The following MBOAT2 variants were observed in gnomAD, a reference collection of about 807,000 sequenced individuals.
The protein encoded by MBOAT2 is membrane bound glycerophospholipid O-acyltransferase 2.
MBOAT2 carries 28 observed loss-of-function variants against 63.4 expected under a neutral mutation model. The observed-to-expected ratio is 0.44, with a 90% CI of 0.33 to 0.61. The LOEUF (loss-of-function observed/expected upper bound fraction) is 0.61, where lower values mean the gene tolerates loss of function less well. MBOAT2 is among the 20% of genes least tolerant of loss of function. The pLI is 0.03. For missense variants in MBOAT2, 470 were observed against 605.8 expected, an observed-to-expected ratio of 0.78 and a Z score of 2.35; for synonymous variants, 211 against 215.6, an observed-to-expected ratio of 0.98 and a Z score of 0.19.
chr2:8,991,420 T>C (rs1476970793), intron 1 of MBOAT2, among the ~76,000 whole-genome samples: 4 of 152,228 alleles, frequency 2.6e-5, no homozygotes, highest in African/African-American at 9.6e-5. Flanking sequence ...TTCAAGATTA[T>C]TTCCAAGATG....
At chr2:8,910,006 C>T (rs1348338676) in intron 3 of MBOAT2, among the ~76,000 whole-genome samples, 7 of 152,134 alleles carry the variant, frequency 4.6e-5, no homozygotes, top group Non-Finnish European at 8.8e-5. Flanking sequence ...CACAGACCAG[C>T]GGATTACAGA....
chr2:8,993,761 G>A (rs114113052), intron 1 of MBOAT2, among the ~76,000 whole-genome samples: 13 of 152,228 alleles, frequency 8.5e-5, no homozygotes, highest in Admixed American at 1.3e-4. Context: ...CAGTACCTCC[G>A]CTGTACCCTG....
chr2:8,953,469 T>C (rs1257644787), intron 2 of MBOAT2, among the ~76,000 whole-genome samples: 1 of 152,220 alleles, frequency 6.6e-6, no homozygotes, highest in Non-Finnish European at 1.5e-5. Flanking sequence ...ATTTCTTATA[T>C]ATGGATGGCT....
chr2:8,977,671 C>A (rs1670916526), intron 1 of MBOAT2, among the ~76,000 whole-genome samples: 1 of 152,120 alleles, frequency 6.6e-6, no homozygotes, highest in African/African-American at 2.4e-5. Flanking sequence ...TAGTCTTGAC[C>A]TCTCTGATGA....
intron 3 of MBOAT2, among the ~76,000 whole-genome samples, chr2:8,924,316 AC>A (rs1381893613): frequency 1.3e-5 from 2 of 152,140 alleles, no homozygotes; most frequent in Non-Finnish European, 2.9e-5. Flanking sequence ...ATACAGAGAC[AC>A]CAGATTCTGG....
At chr2:8,864,828 C>T (rs1661750969) in intron 9 of MBOAT2, among the ~76,000 whole-genome samples, 1 of 152,180 alleles carries the variant, frequency 6.6e-6, no homozygotes, top group Non-Finnish European at 1.5e-5. Context: ...CCTTTCATCT[C>T]CCACCCTGTC....
At chr2:9,000,849 T>C (rs1047844674) in intron 1 of MBOAT2, among the ~76,000 whole-genome samples, 1 of 152,254 alleles carries the variant, frequency 6.6e-6, no homozygotes, top group Non-Finnish European at 1.5e-5. Context: ...TGGCTTACTG[T>C]AACTTTTTTA....
At position 8,862,583 on chromosome 2, in the gene MBOAT2, T is replaced by C. The variant is rs1348210231; in HGVS notation, c.1185+7A>G. The C allele has an allele frequency of 1.2e-6, 2 of 1,604,022 alleles. No individual in the cohort carries two copies. The highest frequency in any genetic ancestry group is 1.7e-6 in the Non-Finnish European group (2 of 1,177,112). ...TTGAATTGTAAAATAAAATTCTTGA[T>C]ACTTACAGCTCTTGCTGCTAATGTC... is the stretch of plus-strand genomic sequence containing the variant. On this transcript the variant is annotated splice_region_variant and intron_variant, in intron 11 of 12. Transcript: ENST00000305997. This position sits in a 1 kb window ranked among gnomAD's most constrained non-coding sequence, Gnocchi z 4.3.
chr2:8,953,759 G>GT (rs1427321902), intron 2 of MBOAT2, among the ~76,000 whole-genome samples: 1 of 152,216 alleles, frequency 6.6e-6, no homozygotes, highest in African/African-American at 2.4e-5. Context: ...CCTTGAGTGA[G>GT]TTTTTCAATT....
chr2:8,866,036 C>CAAAT (rs375237404), intron 9 of MBOAT2, among the ~76,000 whole-genome samples: 1,677 of 151,804 alleles, frequency 0.011, 33 homozygotes, highest in African/African-American at 0.037. Context: ...GACTTTGTCT[C>CAAAT]AAATAAATAA....
At chr2:8,994,823 C>A (rs769339478) in intron 1 of MBOAT2, among the ~76,000 whole-genome samples, 2 of 152,300 alleles carry the variant, frequency 1.3e-5, no homozygotes, top group East Asian at 3.9e-4. Flanking sequence ...TTGAAAAATA[C>A]GGATCTGCCA....
chr2:9,001,818 C>G (rs754944199), intron 1 of MBOAT2, among the ~76,000 whole-genome samples: 1 of 152,068 alleles, frequency 6.6e-6, no homozygotes, highest in Admixed American at 6.5e-5. Flanking sequence ...TTCAGCATAG[C>G]AGGGACGGGT....
At position 8,877,696 on chromosome 2, in the gene MBOAT2, G is replaced by A. The variant is rs141137450; in HGVS notation, c.507-483C>T. On this transcript the variant is annotated intron_variant, in intron 6 of 12. Coordinates refer to ENST00000305997, the MANE Select transcript of MBOAT2 (RefSeq NM_138799.4). ...AAGTGCTAAGTGTTACAAAAAGAAG[G>A]AACTCTTTTATTCTATTAAGAAGTC... is the stretch of plus-strand genomic sequence containing the variant. Among the ~76,000 whole-genome samples, 740 of 152,338 alleles carry A rather than the reference G, an allele frequency of 4.9e-3. 11 individuals are homozygous for A. Among genetic ancestry groups the A allele is most frequent in the African/African-American group, 0.016 (681 of 41,586 alleles).
chr2:8,921,502 C>T (rs1308727454), intron 3 of MBOAT2, among the ~76,000 whole-genome samples: 1 of 152,170 alleles, frequency 6.6e-6, no homozygotes, highest in African/African-American at 2.4e-5. Context: ...TGTATATAGA[C>T]TTCCATATTT....
rs186644483 is a variant in MBOAT2, at chr2:9,001,072, A to G, written c.75+2468T>C. ...ATTAACATCACTGTCTTCCACCTCC[A>G]CAGCCTGTCCCACTGAAAGGTCTTC... On this transcript the variant is annotated intron_variant, in intron 1 of 12. Transcript: ENST00000305997. 2.5e-3 allele frequency among the ~76,000 whole-genome samples: 378 copies of G among 152,172 alleles called. 1 individual carries two copies. Among genetic ancestry groups the G allele is most frequent in the Non-Finnish European group, 4.1e-3 (276 of 68,000 alleles).
intron 1 of MBOAT2, among the ~76,000 whole-genome samples, chr2:8,993,300 A>G (rs1672042899): frequency 6.6e-6 from 1 of 152,218 alleles, no homozygotes; most frequent in Admixed American, 6.5e-5. Context: ...AAAGGTTTCT[A>G]TCACTCACTT....
intron 1 of MBOAT2, among the ~76,000 whole-genome samples, chr2:8,977,827 C>G (rs1670927072): frequency 6.6e-6 from 1 of 152,092 alleles, no homozygotes; most frequent in Non-Finnish European, 1.5e-5. Flanking sequence ...GTAACTGCAC[C>G]ATCACACTTC....
At chr2:8,996,858 G>A (rs943055892) in intron 1 of MBOAT2, among the ~76,000 whole-genome samples, 1 of 152,190 alleles carries the variant, frequency 6.6e-6, no homozygotes, top group Non-Finnish European at 1.5e-5. Context: ...ATAACATTAA[G>A]CAGAATGTAA....
At chr2:8,874,115 T>G (rs373989766) in intron 7 of MBOAT2, among the ~76,000 whole-genome samples, 1 of 152,232 alleles carries the variant, frequency 6.6e-6, no homozygotes, top group Non-Finnish European at 1.5e-5. Context: ...TCAAATTAAC[T>G]GCAGTAATTT....
Sources: gnomAD v4.1 joint callset for allele counts (sites outside exome capture counted in the v4.1 genomes callset) on GRCh38, gnomAD v4.1.1 for gene constraint, Gnocchi (gnomAD v3.1) non-coding constraint, MANE v1.5 for transcripts, NCBI Gene and HGNC (gene_info 2026-07-23, HGNC 2026-07-21) for gene names.